MLANA: variants seen among roughly 807,000 people sequenced by gnomAD.
MLANA encodes the protein melan-A.
MLANA carries 21 observed loss-of-function variants against 15.7 expected under a neutral mutation model. The ratio of observed to expected loss-of-function variants is 1.33; its 90% CI spans 0.95 to 1.92. The LOEUF (loss-of-function observed/expected upper bound fraction) is 1.92, where lower values mean the gene tolerates loss of function less well. Among genes scored for constraint, MLANA ranks in the 40% most tolerant of loss-of-function variants. The pLI is 0.00. For synonymous variants in MLANA, 56 were observed against 51.5 expected (o/e 1.09, Z -0.37); for missense variants, 164 against 143.8 (o/e 1.14, Z -0.72).
At chr9:5,895,718 T>C (rs1169971207) in intron 2 of MLANA, among the ~76,000 whole-genome samples, 2 of 152,218 alleles carry the variant, frequency 1.3e-5, no homozygotes, top group African/African-American at 4.8e-5. Flanking sequence ...TGGAGTCCTA[T>C]GATCTGCACC....
At chr9:5,897,802 C>T (rs982568917) in intron 3 of MLANA, 149 bp downstream of exon 3, 22 of 715,866 alleles carry the variant, frequency 3.1e-5, no homozygotes, top group Admixed American at 2.8e-4. Flanking sequence ...CTACATTGTA[C>T]TTTGGCAACT....
Position 5,908,796 on chromosome 9 carries a change from G to C in MLANA, c.*88G>C. The stretch of plus-strand genomic sequence containing the variant: ...TACAGACATCTAATGTTCTCCTTTG[G>C]AATGGTGTAGGAAAAATGCAAGCCA... On this transcript the variant is annotated 3_prime_UTR_variant, in exon 5 of 5. Transcript: ENST00000381477. 1 of 1,328,166 alleles carries C rather than the reference G, an allele frequency of 7.5e-7. No individual in the cohort carries two copies. 82.3% of individuals were successfully genotyped at this position (1,328,166 alleles called of 1,614,324 possible).
chr9:5,892,678 C>G, intron 2 of MLANA, 127 bp downstream of exon 2: 1 of 711,962 alleles, frequency 1.4e-6, no homozygotes, highest in Non-Finnish European at 2.2e-6. Flanking sequence ...AGTAACATCC[C>G]TGGCAACAAG....
intron 3 of MLANA, among the ~76,000 whole-genome samples, chr9:5,904,916 G>A (rs985212135): frequency 4.6e-5 from 7 of 151,950 alleles, no homozygotes; most frequent in African/African-American, 1.7e-4. Flanking sequence ...TGGGACTACA[G>A]GTGCCCGCTA....
chr9:5,907,934 C>G (rs1832923122), intron 4 of MLANA, among the ~76,000 whole-genome samples: 1 of 152,150 alleles, frequency 6.6e-6, no homozygotes, highest in African/African-American at 2.4e-5. Flanking sequence ...GCCTGGGAGA[C>G]AAGAGCAAAA....
At chr9:5,897,240 G>A (rs890474020) in intron 2 of MLANA, among the ~76,000 whole-genome samples, 5 of 152,184 alleles carry the variant, frequency 3.3e-5, no homozygotes, top group African/African-American at 1.2e-4. Context: ...AGATAATTTA[G>A]CCCCAATAAA....
intron 1 of MLANA, among the ~76,000 whole-genome samples, chr9:5,891,758 C>T (rs1772920255): frequency 6.6e-6 from 1 of 152,112 alleles, no homozygotes; most frequent in African/African-American, 2.4e-5. Context: ...CAGAGAGAAG[C>T]AGAAATTGAC....
chr9:5,908,238 A>G (rs1255239324), intron 4 of MLANA, among the ~76,000 whole-genome samples: 1 of 152,330 alleles, frequency 6.6e-6, no homozygotes, highest in Non-Finnish European at 1.5e-5. Flanking sequence ...TTCTGGATAC[A>G]ATATCCTCTT....
intron 3 of MLANA, among the ~76,000 whole-genome samples, chr9:5,906,117 G>A (rs945413146): frequency 1.3e-5 from 2 of 151,814 alleles, no homozygotes; most frequent in South Asian, 2.1e-4. Flanking sequence ...CTCAGAGGCT[G>A]AGGCAGGAGG....
intron 3 of MLANA, among the ~76,000 whole-genome samples, chr9:5,905,535 G>C (rs933534861): frequency 6.6e-6 from 1 of 152,138 alleles, no homozygotes; most frequent in Non-Finnish European, 1.5e-5. Flanking sequence ...CATATAATGT[G>C]GTATACTTTC....
chr9:5,905,959 G>A (rs1241606518), intron 3 of MLANA, among the ~76,000 whole-genome samples: 1 of 151,916 alleles, frequency 6.6e-6, no homozygotes, highest in Non-Finnish European at 1.5e-5. Flanking sequence ...TTGTATCATT[G>A]CTGTTATTAA....
intron 3 of MLANA, 126 bp downstream of exon 3, chr9:5,897,779 G>A: frequency 1.2e-6 from 1 of 832,766 alleles, no homozygotes; most frequent in Non-Finnish European, 2.0e-6. Context: ...TCCGGCTTCT[G>A]ATGCCTCTTT....
At chr9:5,905,777 A>G (rs945413606) in intron 3 of MLANA, among the ~76,000 whole-genome samples, 1 of 152,174 alleles carries the variant, frequency 6.6e-6, no homozygotes, top group African/African-American at 2.4e-5. Flanking sequence ...TTTTACCTAC[A>G]ATTCCTGTCT....
chr9:5,899,508 AAGG>A (rs1184079432), intron 3 of MLANA, among the ~76,000 whole-genome samples: 2 of 152,134 alleles, frequency 1.3e-5, no homozygotes, highest in Non-Finnish European at 2.9e-5. Flanking sequence ...ATCTAGTGGG[AAGG>A]AGGAGGAGTT....
intron 1 of MLANA, 32 bp from the exon 2 acceptor site, chr9:5,892,418 C>A: frequency 6.6e-7 from 1 of 1,519,112 alleles, no homozygotes. Flanking sequence ...GCTTTGGATG[C>A]ATTAATGATG....
intron 3 of MLANA, 75 bp downstream of exon 3, chr9:5,897,728 G>C (rs1429964205): frequency 3.1e-6 from 4 of 1,271,900 alleles, no homozygotes; most frequent in Non-Finnish European, 2.3e-6. Flanking sequence ...TGAATCTCTG[G>C]AGAGTCAGAT....
At chr9:5,902,779 T>G (rs1832527677) in intron 3 of MLANA, among the ~76,000 whole-genome samples, 1 of 152,148 alleles carries the variant, frequency 6.6e-6, no homozygotes, top group African/African-American at 2.4e-5. Context: ...AGTACTGGCA[T>G]TATAGGCATG....
chr9:5,901,903 T>A (rs1832453913), intron 3 of MLANA, among the ~76,000 whole-genome samples: 1 of 152,218 alleles, frequency 6.6e-6, no homozygotes, highest in African/African-American at 2.4e-5. Flanking sequence ...TTATACATTG[T>A]TAGTTTGACT....
intron 3 of MLANA, chr9:5,898,040 C>A: frequency 5.4e-6 from 1 of 185,348 alleles, no homozygotes; most frequent in Admixed American, 5.3e-5. Context: ...AGTGAGAGAG[C>A]AAGAGGGAGC....
Sources: gnomAD v4.1 joint callset for allele counts (sites outside exome capture counted in the v4.1 genomes callset) on GRCh38, gnomAD v4.1.1 for gene constraint, MANE v1.5 for transcripts, NCBI Gene and HGNC (gene_info 2026-07-23, HGNC 2026-07-21) for gene names.